CEP126: variants seen among roughly 807,000 people sequenced by gnomAD.
CEP126 encodes centrosomal protein of 126 kDa.
Under a neutral mutation model 107.8 loss-of-function variants are expected in CEP126, and 74 were observed. The ratio of observed to expected loss-of-function variants is 0.69; its 90% confidence interval spans 0.57 to 0.83. The LOEUF (loss-of-function observed/expected upper bound fraction) is 0.83, where lower values mean the gene tolerates loss of function less well. Ranked by LOEUF, CEP126 falls within the 40% of genes least tolerant of loss-of-function variation. The pLI, the probability that CEP126 is intolerant of heterozygous loss-of-function variation, is 0.00. For synonymous variants in CEP126, 449 were observed against 446.0 expected, an observed-to-expected ratio of 1.01 and a Z score of -0.08; for missense variants, 1,237 against 1,281.9, an observed-to-expected ratio of 0.96 and a Z score of 0.53.
chr11:101,976,367 T>A (rs565757039), intron 6 of CEP126, among the ~76,000 whole-genome samples: 1 of 152,308 alleles, frequency 6.6e-6, no homozygotes, highest in South Asian at 2.1e-4. Flanking sequence ...TTTCTTTATA[T>A]GTAAAAATAG....
chr11:101,975,204 G>A (rs542080973), intron 6 of CEP126, among the ~76,000 whole-genome samples: 2 of 152,226 alleles, frequency 1.3e-5, no homozygotes, highest in South Asian at 4.2e-4. Flanking sequence ...ATAATACAGT[G>A]CTTTTTAAAC....
intron 8 of CEP126, among the ~76,000 whole-genome samples, chr11:101,984,072 T>G (rs1239758709): frequency 6.6e-6 from 1 of 152,232 alleles, no homozygotes; most frequent in Non-Finnish European, 1.5e-5. Flanking sequence ...TGCCACGTGC[T>G]TTCCCCCAAA....
intron 7 of CEP126, among the ~76,000 whole-genome samples, chr11:101,980,940 T>TA (rs1220026282): frequency 2.0e-5 from 3 of 152,228 alleles, no homozygotes; most frequent in South Asian, 4.1e-4. Flanking sequence ...GAAGAAAAGT[T>TA]ACGCATAGTT....
intron 10 of CEP126, among the ~76,000 whole-genome samples, chr11:101,995,242 CT>C (rs1048250113): frequency 3.9e-5 from 6 of 152,176 alleles, no homozygotes; most frequent in African/African-American, 1.4e-4. Flanking sequence ...ACCTACAGAT[CT>C]TGGTAAATAC....
At chr11:101,974,388 A>G (rs1941169481) in intron 6 of CEP126, among the ~76,000 whole-genome samples, 1 of 152,180 alleles carries the variant, frequency 6.6e-6, no homozygotes, top group Non-Finnish European at 1.5e-5. Flanking sequence ...CTATGTACAA[A>G]TATTTGAAGG....
intron 4 of CEP126, among the ~76,000 whole-genome samples, chr11:101,954,262 G>A (rs1425337978): frequency 5.9e-5 from 9 of 152,206 alleles, no homozygotes; most frequent in Admixed American, 2.0e-4. Flanking sequence ...TCTTGACCTC[G>A]TGATCCACCC....
intron 7 of CEP126, among the ~76,000 whole-genome samples, chr11:101,978,959 G>A (rs527741448): frequency 1.1e-4 from 16 of 151,860 alleles, no homozygotes; most frequent in Non-Finnish European, 1.5e-4. Context: ...TGAAACCCCC[G>A]TCTCTACTAA....
intron 1 of CEP126, chr11:101,916,610 A>G (rs1230399097): frequency 6.6e-6 from 1 of 152,106 alleles, no homozygotes; most frequent in Non-Finnish European, 1.5e-5. Context: ...AATGAACACA[A>G]TCATTTTCTG....
At chr11:101,921,725 A>C (rs1352471249) in intron 1 of CEP126, among the ~76,000 whole-genome samples, 18 of 148,564 alleles carry the variant, frequency 1.2e-4, no homozygotes, top group African/African-American at 4.4e-4. Flanking sequence ...AAAAAAAAAA[A>C]CTGTGTAATG....
At chr11:101,930,793 G>C (rs1319197475) in intron 2 of CEP126, among the ~76,000 whole-genome samples, 1 of 152,132 alleles carries the variant, frequency 6.6e-6, no homozygotes, top group Non-Finnish European at 1.5e-5. Context: ...AGGCCCAGCT[G>C]GCTTCACCTC....
rs763087688 is a variant in CEP126, at chr11:101,998,031, C to A, written c.*388C>A. On this transcript the variant is annotated 3_prime_UTR_variant, in exon 11 of 11. Transcript: ENST00000263468. Reference sequence around the variant, plus strand: ...TTAAATAAAATTTCTGTTTATTGAACCTCTTTATTAAACCTCTAACTTACT... The same window carrying A: ...TTAAATAAAATTTCTGTTTATTGAAACTCTTTATTAAACCTCTAACTTACT... 1.0e-4 allele frequency: 17 copies of A among 164,434 alleles called. No individual in the cohort carries two copies. Among genetic ancestry groups the A allele is most frequent in the Non-Finnish European group, 1.7e-4 (13 of 75,806 alleles). The allele number at this position is 164,434 out of a possible 1,614,324, so 10.2% of individuals were successfully genotyped here.
chr11:101,924,103 G>A (rs1049451310), intron 2 of CEP126, among the ~76,000 whole-genome samples: 4 of 152,048 alleles, frequency 2.6e-5, no homozygotes, highest in Non-Finnish European at 5.9e-5. Flanking sequence ...GAATTCTTAT[G>A]TAGAAAATAA....
At chr11:101,941,152 ACTCT>A (rs1242178220) in intron 2 of CEP126, among the ~76,000 whole-genome samples, 2 of 151,972 alleles carry the variant, frequency 1.3e-5, no homozygotes, top group Non-Finnish European at 2.9e-5. Context: ...CTCTATTATG[ACTCT>A]CTATTTAATC....
chr11:101,955,097 A>AT (rs1353949647), intron 4 of CEP126, among the ~76,000 whole-genome samples: 1 of 152,204 alleles, frequency 6.6e-6, no homozygotes, highest in Non-Finnish European at 1.5e-5. Flanking sequence ...AGAGAAAAAA[A>AT]ATATATGATA....
At chr11:101,995,793 T>G (rs1253603217) in intron 10 of CEP126, among the ~76,000 whole-genome samples, 1 of 152,226 alleles carries the variant, frequency 6.6e-6, no homozygotes, top group East Asian at 1.9e-4. Context: ...ATGAAATACT[T>G]TCATGTCTCT....
intron 2 of CEP126, 106 bp downstream of exon 2, chr11:101,922,866 T>C (rs1252104302): frequency 1.2e-6 from 1 of 846,130 alleles, no homozygotes; most frequent in East Asian, 2.9e-5. Context: ...GGCAGTGTTA[T>C]CTGTGAAACA....
At position 101,958,213 on chromosome 11, in the gene CEP126, C is replaced by T. The variant is rs1165654190; in HGVS notation, c.552C>T (p.His184=). 6.2e-7 allele frequency: 1 copy of T among 1,613,804 alleles called. No homozygotes were observed. Among genetic ancestry groups the T allele is most frequent in the Non-Finnish European group, 8.5e-7 (1 of 1,179,928 alleles). The change falls in exon 5 of 11, where the codon CAC becomes CAT. Residue 184 remains histidine (H), a synonymous_variant. Transcript: ENST00000263468. The part of the protein sequence containing the change: ...ALPSALSKND[H]KHQKQLLSKI... The stretch of plus-strand genomic sequence containing the variant: ...CTTCCGCATTATCAAAAAATGATCA[C>T]AAGCATCAGAAACAACTCTTATCCA...
At chr11:101,943,271 A>G (rs568787811) in intron 2 of CEP126, among the ~76,000 whole-genome samples, 1 of 152,172 alleles carries the variant, frequency 6.6e-6, no homozygotes, top group South Asian at 2.1e-4. Context: ...ATGTTGGACC[A>G]CTTGGAGATC....
chr11:101,922,152 T>G (rs951411229), intron 1 of CEP126, among the ~76,000 whole-genome samples: 1 of 148,030 alleles, frequency 6.8e-6, no homozygotes, highest in African/African-American at 2.5e-5. Context: ...TACTTTCTAA[T>G]ACCAAGTCAG....
Sources: allele counts gnomAD v4.1 joint callset (sites outside exome capture counted in the v4.1 genomes callset), GRCh38; gene constraint gnomAD v4.1.1; transcripts MANE v1.5; gene names NCBI Gene and HGNC (gene_info 2026-07-23, HGNC 2026-07-21).